Variants in PLEKHM1 observed in about 807,000 individuals in gnomAD.
PLEKHM1 encodes the protein pleckstrin homology domain-containing family M member 1.
Under a neutral mutation model 94.3 loss-of-function variants are expected in PLEKHM1, and 28 were observed. That is an observed-to-expected ratio of 0.30 (90% CI 0.22 to 0.41). The LOEUF is 0.41. Ranked by LOEUF, PLEKHM1 falls within the 10% of genes least tolerant of loss-of-function variation. The pLI is 1.00. For synonymous variants in PLEKHM1, 424 were observed against 581.2 expected (o/e 0.73, Z 3.89); for missense variants, 907 against 1,358.6 (o/e 0.67, Z 5.22).
intron 9 of PLEKHM1, 177 bp from the exon 10 acceptor site, chr17:45,440,403 C>CT: frequency 1.5e-6 from 1 of 680,916 alleles, no homozygotes; most frequent in South Asian, 1.6e-5. Context: ...TTCAACGTAA[C>CT]TAACTAGCTG....
chr17:45,468,371 G>T lies in PLEKHM1; in HGVS notation c.1146C>A (p.Ser382Arg). The T allele has an allele frequency of 6.2e-7, 1 of 1,614,162 alleles. No individual in the cohort carries two copies. The highest frequency in any genetic ancestry group is 8.5e-7 in the Non-Finnish European group (1 of 1,180,016). ...HVQEPRPQAP[S>R]PLDLQQPVES... is the part of the protein sequence containing the mutation. ...CTACAGGCTGCTGTAAGTCCAGGGG[G>T]CTGGGCGCCTGGGGACGCGGCTCCT... The change falls in exon 5 of 12, where the codon AGC becomes AGA. Residue 382 changes from serine (S) to arginine (R), a missense_variant. Coordinates refer to ENST00000430334, the MANE Select transcript of PLEKHM1 (RefSeq NM_014798.3).
chr17:45,434,691 C>T (rs2050218285), downstream of PLEKHM1, among the ~76,000 whole-genome samples: 1 of 152,106 alleles, frequency 6.6e-6, no homozygotes, highest in African/African-American at 2.4e-5. Flanking sequence ...ATGATCCAAC[C>T]TCCTCGGCCT....
intron 1 of PLEKHM1, among the ~76,000 whole-genome samples, chr17:45,486,235 T>TAA (rs199879545): frequency 7.3e-6 from 1 of 136,886 alleles, no homozygotes; most frequent in African/African-American, 2.8e-5. Context: ...AAAGATAAAA[T>TAA]AAAAAAATAA....
At position 45,445,651 on chromosome 17, in the gene PLEKHM1, C is replaced by T. The variant is rs752078200; in HGVS notation, c.2656G>A (p.Ala886Thr). 2 of 1,613,598 alleles carry T rather than the reference C, an allele frequency of 1.2e-6. No individual in the cohort carries two copies. The highest frequency in any genetic ancestry group is 1.7e-6 in the Non-Finnish European group (2 of 1,179,844). Residue 886 changes from alanine to threonine, a missense_variant, in exon 9 of 12, where the codon GCC becomes ACC. By Grantham distance (58) the Ala-to-Thr change is moderately conservative. Coordinates refer to ENST00000430334, the MANE Select transcript of PLEKHM1 (RefSeq NM_014798.3). This position sits in a 1 kb window ranked among gnomAD's most constrained non-coding sequence, Gnocchi z 4.2. ...CGGATCTGTGTCAGAAACTTCAGGG[C>T]CTGCCTGCAGATCTGGGGGTACCAC... ...DLTKRPICRQALKFLTQIRAQ... is the reference protein window; with the variant it reads ...DLTKRPICRQTLKFLTQIRAQ...
intron 4 of PLEKHM1, among the ~76,000 whole-genome samples, chr17:45,471,614 G>C (rs2051514786): frequency 6.6e-6 from 1 of 151,958 alleles, no homozygotes; most frequent in Non-Finnish European, 1.5e-5. Flanking sequence ...AAATTAGCTG[G>C]GTGTGGTGGC....
chr17:45,438,836 C>T (rs552994721), intron 11 of PLEKHM1, among the ~76,000 whole-genome samples: 3 of 152,264 alleles, frequency 2.0e-5, no homozygotes, highest in Middle Eastern at 3.4e-3. Flanking sequence ...GGATTACAGG[C>T]GTGAGCCACC....
Position 45,436,925 on chromosome 17 carries a change from G to T in PLEKHM1, c.*933C>A, listed in dbSNP as rs1156316030. The T allele has an allele frequency of 2.2e-6, 1 of 449,554 alleles. No individual in the cohort carries two copies. The highest frequency in any genetic ancestry group is 4.5e-6 in the Non-Finnish European group (1 of 222,852). The allele number at this position is 449,554 out of a possible 1,614,324, so 27.8% of individuals were successfully genotyped here. ...CTGGCAGGGGTCAGTCAGGCAGAGAGTGTGACCCCGGGCACCCACCAAGGT... is the reference window on the plus strand; with the variant it reads ...CTGGCAGGGGTCAGTCAGGCAGAGATTGTGACCCCGGGCACCCACCAAGGT... On this transcript the variant is annotated 3_prime_UTR_variant, in exon 12 of 12. Coordinates refer to ENST00000430334, the MANE Select transcript of PLEKHM1 (RefSeq NM_014798.3).
At chr17:45,460,985 C>T (rs1399283994) in intron 5 of PLEKHM1, among the ~76,000 whole-genome samples, 4 of 152,218 alleles carry the variant, frequency 2.6e-5, no homozygotes, top group African/African-American at 7.2e-5. Flanking sequence ...CCCGGGTTCA[C>T]GCCATTCTCC....
intron 6 of PLEKHM1, chr17:45,456,266 C>T (rs1177420919): frequency 6.6e-6 from 1 of 152,248 alleles, no homozygotes; most frequent in Non-Finnish European, 1.5e-5. Context: ...GTCTCCTCTA[C>T]TAGAATCTAA....
chr17:45,436,051 A>G lies in PLEKHM1; in HGVS notation c.*1807T>C. The G allele has an allele frequency of 2.2e-6, 1 of 456,646 alleles. No individual in the cohort carries two copies. Among genetic ancestry groups the G allele is most frequent in the South Asian group, 1.5e-5 (1 of 64,576 alleles). 28.3% of individuals were successfully genotyped at this position (456,646 alleles called of 1,614,324 possible). A position where few individuals can be genotyped will look rare whatever the true frequency, so the allele number is the denominator to read the frequency against. On this transcript the variant is annotated 3_prime_UTR_variant, in exon 12 of 12. Coordinates refer to ENST00000430334, the MANE Select transcript of PLEKHM1 (RefSeq NM_014798.3). ...ATAACATTTTAAAAATAGTGTGGGC[A>G]CTACCTTTCTGAGGGAGGGGAGGCG...
chr17:45,464,661 T>G (rs1038590123), intron 5 of PLEKHM1, among the ~76,000 whole-genome samples: 3 of 151,978 alleles, frequency 2.0e-5, no homozygotes, highest in Non-Finnish European at 4.4e-5. Context: ...TCCGAGATTC[T>G]CACATCGGAT....
chr17:45,468,638 A>G (rs1007106428), intron 4 of PLEKHM1, 45 bp from the exon 5 acceptor site: 1 of 1,607,418 alleles, frequency 6.2e-7, no homozygotes, highest in Admixed American at 1.7e-5. Context: ...GTTGTCTGCG[A>G]TAATGCCCAA....
At chr17:45,447,454 C>T (rs2050640857) in intron 8 of PLEKHM1, among the ~76,000 whole-genome samples, 1 of 152,268 alleles carries the variant, frequency 6.6e-6, no homozygotes, top group Non-Finnish European at 1.5e-5. Flanking sequence ...TGAAATAACA[C>T]ACAGGAATGT....
intron 5 of PLEKHM1, among the ~76,000 whole-genome samples, chr17:45,467,558 C>T (rs956475975): frequency 1.3e-5 from 2 of 152,112 alleles, no homozygotes; most frequent in African/African-American, 2.4e-5. Context: ...GCAAGAAGAT[C>T]GAGACCAGCC....
Position 45,440,162 on chromosome 17 carries a change from C to T in PLEKHM1, c.2901+1G>A. The T allele has an allele frequency of 6.2e-7, 1 of 1,613,306 alleles. No individual in the cohort carries two copies. On this transcript the variant is annotated splice_donor_variant, in intron 10 of 11. Transcript: ENST00000430334. LOFTEE classifies it high-confidence loss of function. The stretch of plus-strand genomic sequence containing the variant: ...GGGCGGGGGAAGCATGACACTCTTA[C>T]CTGTTGGAGGTCAGCAACACTGAAC...
chr17:45,450,052 T>A (rs2050729633), intron 8 of PLEKHM1, among the ~76,000 whole-genome samples: 1 of 144,748 alleles, frequency 6.9e-6, no homozygotes, highest in Non-Finnish European at 1.5e-5. Context: ...CACCTAACCA[T>A]CTGCTCATCC....
At chr17:45,488,198 C>T (rs1451490922) in intron 1 of PLEKHM1, among the ~76,000 whole-genome samples, 1 of 152,144 alleles carries the variant, frequency 6.6e-6, no homozygotes, top group African/African-American at 2.4e-5. Flanking sequence ...TCTTTCTTTC[C>T]TCCCTCCTTC....
In PLEKHM1 at chr17:45,453,638, G is replaced by C; in HGVS notation, c.2214C>G (p.Thr738=). 1 of 1,611,794 alleles carries C rather than the reference G, an allele frequency of 6.2e-7. No individual in the cohort carries two copies. Residue 738 remains threonine (T), a synonymous_variant, in exon 7 of 12, where the codon ACC becomes ACG. Transcript: ENST00000430334. This position sits in a 1 kb window ranked among gnomAD's most constrained non-coding sequence, Gnocchi z 4.1. ...TGAAGAAGGATGGGCCCCCAAGGCT[G>C]GTGTCTGGCAGGATGTCCCGGATGG... The part of the protein sequence containing the change: ...VETIRDILPD[T]SLGGPSFFKI...
rs1597989847 is a variant in PLEKHM1 at position 45,475,235 on chromosome 17, G to T, written c.788C>A (p.Ser263Tyr). The T allele has an allele frequency of 2.5e-6, 4 of 1,614,018 alleles. No individual in the cohort carries two copies. Among genetic ancestry groups the T allele is most frequent in the Non-Finnish European group, 3.4e-6 (4 of 1,179,874 alleles). The change falls in exon 4 of 12, where the codon TCC (serine) becomes TAC (tyrosine). Residue 263 changes from serine (S) to tyrosine (Y), a missense_variant. By Grantham distance (144) the Ser-to-Tyr change is moderately radical (BLOSUM62 -2). This residue lies in a region of PLEKHM1 where 477 missense variants were observed against 601.5 expected (regional missense o/e 0.79). Transcript: ENST00000430334. ...SLDTASSSQL[S>Y]CSLNSDSCLL... Reference sequence around the variant, plus strand: ...GCAGCTATCAGAGTTTAGGCTGCAGGACAGCTGGGATGAACTGGCCGTGTC... The same window carrying T: ...GCAGCTATCAGAGTTTAGGCTGCAGTACAGCTGGGATGAACTGGCCGTGTC...
Sources: gnomAD v4.1 joint callset for allele counts (sites outside exome capture counted in the v4.1 genomes callset) on GRCh38, gnomAD v4.1.1 for gene constraint, gnomAD v4.1.1 regional missense constraint, Gnocchi (gnomAD v3.1) non-coding constraint, MANE v1.5 for transcripts, NCBI Gene and HGNC (gene_info 2026-07-23, HGNC 2026-07-21) for gene names.